TYR: variants seen among roughly 807,000 people sequenced by gnomAD.
The protein encoded by TYR is tyrosinase.
A neutral mutation model predicts 51.5 loss-of-function variants in TYR; 58 were observed. The observed-to-expected ratio is 1.13, with a 90% CI of 0.91 to 1.40. The LOEUF is 1.40. Ranked by LOEUF, TYR falls within the 40% of genes most tolerant of loss-of-function variation. The pLI, the probability that TYR is intolerant of heterozygous loss-of-function variation, is 0.00. For synonymous variants in TYR, 263 were observed against 235.2 expected, an observed-to-expected ratio of 1.12 and a Z score of -1.08; for missense variants, 732 against 647.4, an observed-to-expected ratio of 1.13 and a Z score of -1.42.
chr11:89,195,082 A>G (rs1943498017), intron 2 of TYR, among the ~76,000 whole-genome samples: 1 of 152,194 alleles, frequency 6.6e-6, no homozygotes, highest in Admixed American at 6.6e-5. Context: ...AAGTGAATAT[A>G]GCAGTGAGGA....
rs897384983 is a variant in TYR at position 89,285,000 on chromosome 11, C to A, written c.1366+46C>A. ...GAGGAATTGCTGAATCTAGTGTTAC[C>A]AATTTATTTTGAGATAACACAAAAC... On this transcript the variant is annotated intron_variant, in intron 4 of 4. Coordinates refer to ENST00000263321, the MANE Select transcript of TYR (RefSeq NM_000372.5). 4 of 1,537,694 alleles carry A rather than the reference C, an allele frequency of 2.6e-6. No individual in the cohort carries two copies. In the African/African-American group the frequency reaches 5.5e-5, roughly 21 times the overall value.
intron 1 of TYR, among the ~76,000 whole-genome samples, chr11:89,187,810 C>T (rs906427860): frequency 9.9e-5 from 15 of 151,818 alleles, no homozygotes; most frequent in Admixed American, 9.9e-4. Context: ...GGCACCATAC[C>T]ATTACACAAT....
chr11:89,245,655 G>A (rs1401569632), intron 3 of TYR, among the ~76,000 whole-genome samples: 1 of 152,178 alleles, frequency 6.6e-6, no homozygotes, highest in Admixed American at 6.5e-5. Context: ...GGGCGTGGTG[G>A]CTCACGCCTG....
intron 3 of TYR, among the ~76,000 whole-genome samples, chr11:89,244,884 T>C (rs1311535378): frequency 3.3e-5 from 5 of 152,338 alleles, no homozygotes; most frequent in African/African-American, 9.6e-5. Flanking sequence ...AGGGCAGATA[T>C]GTCAACAACT....
chr11:89,256,895 T>C (rs1330698089), intron 3 of TYR, among the ~76,000 whole-genome samples: 1 of 151,824 alleles, frequency 6.6e-6, no homozygotes, highest in East Asian at 1.9e-4. Flanking sequence ...AGCTCATGAG[T>C]ATACTAGTGC....
intron 3 of TYR, among the ~76,000 whole-genome samples, chr11:89,249,897 A>T (rs966272447): frequency 2.0e-5 from 3 of 152,028 alleles, no homozygotes; most frequent in African/African-American, 7.2e-5. Context: ...AGCCTTTGCC[A>T]TGAGTTGGAA....
intron 2 of TYR, among the ~76,000 whole-genome samples, chr11:89,215,027 A>T (rs1943813846): frequency 6.6e-6 from 1 of 152,200 alleles, no homozygotes; most frequent in African/African-American, 2.4e-5. Flanking sequence ...ATATATATGT[A>T]ACAACGTTCT....
chr11:89,178,666 G>A lies in TYR; in HGVS notation c.713G>A (p.Trp238Ter), dbSNP rs1287735969. 1 of 1,613,690 alleles carries A rather than the reference G, an allele frequency of 6.2e-7. No homozygotes were observed. The highest frequency in any genetic ancestry group is 1.7e-5 in the Admixed American group (1 of 60,016). Residue 238 changes from tryptophan to a stop codon, truncating the protein, a stop_gained, in exon 1 of 5, where the codon TGG becomes TAG. Transcript: ENST00000263321. LOFTEE classifies it high-confidence loss of function. Reference protein sequence around the residue: ...DENFTIPYWDWRDAEKCDICT... With the variant: ...DENFTIPYWD ...AACTTCACTATTCCATATTGGGACT[G>A]GCGGGATGCAGAAAAGTGTGACATT... is the stretch of plus-strand genomic sequence containing the variant.
rs760895220 is a variant in TYR, at chr11:89,295,235, G to A, written c.1459G>A (p.Val487Ile). 3 of 1,613,980 alleles carry A rather than the reference G, an allele frequency of 1.9e-6. No individual in the cohort carries two copies. The highest frequency in any genetic ancestry group is 1.1e-5 in the South Asian group (1 of 91,082). The change falls in exon 5 of 5, where the codon GTC becomes ATC. Residue 487 changes from valine (V) to isoleucine (I), a missense_variant. By Grantham distance (29) the Val-to-Ile change is conservative. Coordinates refer to ENST00000263321, the MANE Select transcript of TYR (RefSeq NM_000372.5). ...WLLGAAMVGA[V>I]LTALLAGLVS... ...CCTTGGGGCGGCGATGGTAGGGGCC[G>A]TCCTCACTGCCCTGCTGGCAGGGCT...
rs553804438 is a variant in TYR at position 89,287,980 on chromosome 11, C to T, written c.1366+3026C>T. Reference sequence around the variant, plus strand: ...GAAGGAGATTAGGAATGGCTTTACGCTTTCTGGCCTGTGAAAATGATGAAT... The same window carrying T: ...GAAGGAGATTAGGAATGGCTTTACGTTTTCTGGCCTGTGAAAATGATGAAT... On this transcript the variant is annotated intron_variant, in intron 4 of 4. Coordinates refer to ENST00000263321, the MANE Select transcript of TYR (RefSeq NM_000372.5). 3.3e-5 allele frequency among the ~76,000 whole-genome samples: 5 copies of T among 151,974 alleles called. No homozygotes were observed. In the South Asian group the frequency reaches 1.0e-3, roughly 32 times the overall value.
intron 2 of TYR, among the ~76,000 whole-genome samples, chr11:89,217,475 G>T (rs1267890744): frequency 6.6e-6 from 1 of 152,106 alleles, no homozygotes; most frequent in African/African-American, 2.4e-5. Context: ...ATGGAGAATT[G>T]TACATGAGAA....
intron 2 of TYR, among the ~76,000 whole-genome samples, chr11:89,196,110 G>A (rs12420348): frequency 0.16 from 24,476 of 152,106 alleles, 2,404 homozygotes; most frequent in African/African-American, 0.28. Flanking sequence ...TGCAATACAT[G>A]TAAGGTAGTT....
chr11:89,284,431 G>A (rs1290108419), intron 3 of TYR, among the ~76,000 whole-genome samples: 2 of 151,526 alleles, frequency 1.3e-5, no homozygotes, highest in East Asian at 3.9e-4. Context: ...CTTTCTTTGG[G>A]AATATATTTA....
chr11:89,230,610 A>G (rs1160022609), intron 3 of TYR, among the ~76,000 whole-genome samples: 2 of 152,222 alleles, frequency 1.3e-5, no homozygotes, highest in African/African-American at 4.8e-5. Flanking sequence ...ACAATAGGAG[A>G]ATATATTTGC....
intron 2 of TYR, among the ~76,000 whole-genome samples, chr11:89,220,498 A>G (rs1943895213): frequency 6.6e-6 from 1 of 152,214 alleles, no homozygotes; most frequent in East Asian, 1.9e-4. Context: ...ACATATCCAA[A>G]CTATATCATT....
intron 3 of TYR, among the ~76,000 whole-genome samples, chr11:89,244,161 A>C (rs1210134049): frequency 1.3e-5 from 2 of 152,192 alleles, no homozygotes; most frequent in Non-Finnish European, 2.9e-5. Context: ...AAAAGGGTAG[A>C]GAGGGATATT....
intron 4 of TYR, among the ~76,000 whole-genome samples, chr11:89,290,030 A>G (rs1002410756): frequency 6.6e-6 from 1 of 152,082 alleles, no homozygotes; most frequent in Admixed American, 6.6e-5. Context: ...TCATTTGAGT[A>G]ATGGCCCCTA....
intron 3 of TYR, among the ~76,000 whole-genome samples, chr11:89,272,315 G>A (rs1162384833): frequency 6.6e-6 from 1 of 151,796 alleles, no homozygotes; most frequent in Non-Finnish European, 1.5e-5. Context: ...AGGAATGAAA[G>A]CAATATTCAT....
intron 2 of TYR, among the ~76,000 whole-genome samples, chr11:89,212,888 A>C (rs139307223): frequency 0.019 from 2,887 of 152,358 alleles, 88 homozygotes; most frequent in African/African-American, 0.066. Flanking sequence ...AAAATTCAAC[A>C]GCTTTTCATG....
Sources: allele counts gnomAD v4.1 joint callset (sites outside exome capture counted in the v4.1 genomes callset), GRCh38; gene constraint gnomAD v4.1.1; transcripts MANE v1.5; gene names NCBI Gene and HGNC (gene_info 2026-07-23, HGNC 2026-07-21).